Variants in UGT1A8 observed in about 807,000 individuals in gnomAD.
UGT1A8 encodes UDP glucuronosyltransferase family 1 member A8.
UGT1A8 carries 39 observed loss-of-function variants against 45.3 expected under a neutral mutation model. The observed-to-expected ratio is 0.86, with a 90% CI of 0.67 to 1.12. UGT1A8 has a LOEUF of 1.12. Ranked by LOEUF, UGT1A8 falls within the 50% of genes most tolerant of loss-of-function variation. The pLI, the probability that UGT1A8 is intolerant of heterozygous loss-of-function variation, is 0.00. For missense variants in UGT1A8, 719 were observed against 664.9 expected (o/e 1.08, Z -0.90); for synonymous variants, 275 against 249.2 (o/e 1.10, Z -0.97).
Position 233,648,750 on chromosome 2 carries a change from C to T in UGT1A8, c.855+30188C>T, listed in dbSNP as rs1335865148. On this transcript the variant is annotated intron_variant, in intron 1 of 4. Coordinates refer to ENST00000373450, the MANE Select transcript of UGT1A8 (RefSeq NM_019076.5). The stretch of plus-strand genomic sequence containing the variant: ...AAGTGCTGGAATTACAGGGGTGAGC[C>T]ACCACACCCAGCCTGGATGCCATGA... 8 of 618,026 alleles carry T rather than the reference C, an allele frequency of 1.3e-5. No individual in the cohort carries two copies. In the Admixed American group the frequency reaches 1.8e-4, roughly 14 times the overall value. The allele number at this position is 618,026 out of a possible 1,614,324, so 38.3% of individuals were successfully genotyped here.
chr2:233,635,197 G>A (rs548390541), intron 1 of UGT1A8, among the ~76,000 whole-genome samples: 10 of 150,626 alleles, frequency 6.6e-5, no homozygotes, highest in South Asian at 4.2e-4. Flanking sequence ...ACTTCTTTTC[G>A]TGTGTAACAG....
At chr2:233,670,636 G>C (rs941515855) in intron 1 of UGT1A8, among the ~76,000 whole-genome samples, 1 of 152,014 alleles carries the variant, frequency 6.6e-6, no homozygotes, top group African/African-American at 2.4e-5. Flanking sequence ...GATTCCTCTG[G>C]TGTGGTGTCT....
chr2:233,637,409 T>C, intron 1 of UGT1A8: 3 of 1,571,130 alleles, frequency 1.9e-6, no homozygotes, highest in Non-Finnish European at 2.6e-6. Context: ...ACATTAAGAA[T>C]AATCTGGCTT....
intron 1 of UGT1A8, chr2:233,690,407 T>G: frequency 5.9e-5 from 71 of 1,195,338 alleles, no homozygotes; most frequent in Non-Finnish European, 7.1e-5. Context: ...ATTCCCAACA[T>G]GAAATTACCT....
In UGT1A8 at chr2:233,728,656, G is replaced by C. The variant is rs187762667; in HGVS notation, c.856-38378G>C. Among the ~76,000 whole-genome samples, 9 of 152,298 alleles carry C rather than the reference G, an allele frequency of 5.9e-5. No homozygotes were observed. In the East Asian group the frequency reaches 1.4e-3, roughly 23 times the overall value. On this transcript the variant is annotated intron_variant, in intron 1 of 4. Coordinates refer to ENST00000373450, the MANE Select transcript of UGT1A8 (RefSeq NM_019076.5). ...GCAATGTTGTATGGTTTTTGGATGC[G>C]CTGCGTTACTCATACATGAGAAGAA...
chr2:233,755,990 C>G (rs1406862229), intron 1 of UGT1A8: 1 of 152,186 alleles, frequency 6.6e-6, no homozygotes, highest in East Asian at 1.9e-4. Context: ...CTCATGTCAG[C>G]TTCTGCATTC....
At chr2:233,658,555 C>T (rs2073902814) in intron 1 of UGT1A8, among the ~76,000 whole-genome samples, 1 of 152,154 alleles carries the variant, frequency 6.6e-6, no homozygotes. Flanking sequence ...TTTTCGATGA[C>T]TTTGACAGTT....
intron 1 of UGT1A8, among the ~76,000 whole-genome samples, chr2:233,658,075 G>A (rs1465954165): frequency 6.7e-6 from 1 of 148,936 alleles, no homozygotes; most frequent in Admixed American, 6.7e-5. Flanking sequence ...CTGGAGTGCA[G>A]TGGGGCAATC....
rs944669670 is a variant in UGT1A8 at position 233,769,377 on chromosome 2, C to T, written c.1295+938C>T. Reference sequence around the variant, plus strand: ...GTGGTGGCCAGTGGTAGATTTCATCCGACAATAGATACTGTGTGCATATGT... The same window carrying T: ...GTGGTGGCCAGTGGTAGATTTCATCTGACAATAGATACTGTGTGCATATGT... On this transcript the variant is annotated intron_variant, in intron 4 of 4. Transcript: ENST00000373450. The surrounding 1 kb of genome is among the most constrained non-coding windows in gnomAD (Gnocchi z 4.4). 6.6e-5 allele frequency among the ~76,000 whole-genome samples: 10 copies of T among 152,088 alleles called. No individual in the cohort carries two copies. The highest frequency in any genetic ancestry group is 1.0e-4 in the Non-Finnish European group (7 of 68,014).
chr2:233,760,284 C>T lies in UGT1A8; in HGVS notation c.856-6750C>T, dbSNP rs752018052. On this transcript the variant is annotated intron_variant, in intron 1 of 4. Coordinates refer to ENST00000373450, the MANE Select transcript of UGT1A8 (RefSeq NM_019076.5). ...GGCGAACCTCTGGCAGGAGCAAAGG[C>T]GCCATGGCTGTGGAGTCCCAGGGCG... The T allele has an allele frequency of 5.6e-6, 9 of 1,612,882 alleles. No homozygotes were observed. Among genetic ancestry groups the T allele is most frequent in the Middle Eastern group, 1.9e-4 (1 of 5,180 alleles).
rs551912265 is a variant in UGT1A8 at position 233,725,264 on chromosome 2, G to GGAGGCAGAGGCAGAGGCA, written c.856-41734_856-41717dup. On this transcript the variant is annotated intron_variant, in intron 1 of 4. Transcript: ENST00000373450. The stretch of plus-strand genomic sequence containing the variant: ...CAGAGGCAGAGGAGGCAGAGGCAGA[G>GGAGGCAGAGGCAGAGGCA]GAGGCAGAGGCAGAGGCAGAGGCAG... Among the ~76,000 whole-genome samples, 12 of 58,548 alleles carry GGAGGCAGAGGCAGAGGCA rather than the reference G, an allele frequency of 2.0e-4. 2 individuals are homozygous for GGAGGCAGAGGCAGAGGCA. The highest frequency in any genetic ancestry group is 1.1e-3 in the Admixed American group (7 of 6,532). 38.4% of individuals were successfully genotyped at this position (58,548 alleles called of 152,430 possible). A position where few individuals can be genotyped will look rare whatever the true frequency, so the allele number is the denominator to read the frequency against.
chr2:233,745,955 G>T (rs1353220886), intron 1 of UGT1A8, among the ~76,000 whole-genome samples: 1 of 151,634 alleles, frequency 6.6e-6, no homozygotes, highest in Non-Finnish European at 1.5e-5. Flanking sequence ...GGCAACTGGG[G>T]GACAGGGGCC....
At chr2:233,633,378 A>C (rs544696538) in intron 1 of UGT1A8, among the ~76,000 whole-genome samples, 16 of 152,322 alleles carry the variant, frequency 1.1e-4, no homozygotes, top group African/African-American at 3.8e-4. Context: ...TAGTTTCAGA[A>C]GGAATGATAC....
intron 1 of UGT1A8, among the ~76,000 whole-genome samples, chr2:233,678,206 G>A (rs1381812720): frequency 2.6e-5 from 4 of 152,162 alleles, no homozygotes; most frequent in Non-Finnish European, 5.9e-5. Context: ...AAACTATTGG[G>A]TACTATGCTC....
intron 1 of UGT1A8, chr2:233,693,074 G>A: frequency 6.2e-7 from 1 of 1,614,172 alleles, no homozygotes; most frequent in Non-Finnish European, 8.5e-7. Flanking sequence ...TTGGGGCATG[G>A]TTGTAGGTGA....
intron 1 of UGT1A8, among the ~76,000 whole-genome samples, chr2:233,634,095 C>T (rs1342116261): frequency 6.6e-6 from 1 of 152,160 alleles, no homozygotes; most frequent in African/African-American, 2.4e-5. Flanking sequence ...GCAGGTTGTT[C>T]AGTTTCCATG....
chr2:233,749,307 G>A (rs1308092621), intron 1 of UGT1A8, among the ~76,000 whole-genome samples: 5 of 151,782 alleles, frequency 3.3e-5, no homozygotes, highest in Non-Finnish European at 7.4e-5. Context: ...TAAAATATGT[G>A]TTTATTAGAT....
chr2:233,692,873 A>G, intron 1 of UGT1A8: 2 of 1,491,190 alleles, frequency 1.3e-6, no homozygotes, highest in Middle Eastern at 2.5e-4. Flanking sequence ...ATCAAAGGGT[A>G]AAATTCAGAG....
At chr2:233,753,385 T>G (rs1695193775) in intron 1 of UGT1A8, 2 of 152,290 alleles carry the variant, frequency 1.3e-5, no homozygotes, top group South Asian at 4.1e-4. Flanking sequence ...GATTGGACTC[T>G]GAGGGTACTA....
Sources: gnomAD v4.1 joint callset for allele counts (sites outside exome capture counted in the v4.1 genomes callset) on GRCh38, gnomAD v4.1.1 for gene constraint, Gnocchi (gnomAD v3.1) non-coding constraint, MANE v1.5 for transcripts, NCBI Gene and HGNC (gene_info 2026-07-23, HGNC 2026-07-21) for gene names.